The following DLAT variants were observed in gnomAD, a reference collection of about 807,000 sequenced individuals.
The protein encoded by DLAT is dihydrolipoamide S-acetyltransferase.
A neutral mutation model predicts 68.0 loss-of-function variants in DLAT; 43 were observed. The observed-to-expected ratio is 0.63, with a 90% CI of 0.50 to 0.81. The LOEUF (loss-of-function observed/expected upper bound fraction) is 0.81. Ranked by LOEUF, DLAT falls within the 40% of genes least tolerant of loss-of-function variation. The pLI, the probability that DLAT is intolerant of heterozygous loss-of-function variation, is 0.00. For missense variants in DLAT, 745 were observed against 815.4 expected, an observed-to-expected ratio of 0.91 and a Z score of 1.05; for synonymous variants, 265 against 288.6, an observed-to-expected ratio of 0.92 and a Z score of 0.83.
intron 10 of DLAT, among the ~76,000 whole-genome samples, chr11:112,050,968 C>T (rs1555181914): frequency 6.6e-6 from 1 of 152,180 alleles, no homozygotes; most frequent in East Asian, 1.9e-4. Context: ...TTCTCTTTCT[C>T]TTCCTCCTTT....
intron 7 of DLAT, among the ~76,000 whole-genome samples, chr11:112,040,835 A>G (rs184457013): frequency 6.6e-6 from 1 of 152,256 alleles, no homozygotes; most frequent in East Asian, 1.9e-4. Flanking sequence ...CAAGCAAAGA[A>G]GGACCATTTA....
intron 11 of DLAT, among the ~76,000 whole-genome samples, chr11:112,059,313 T>C (rs1474900359): frequency 1.3e-5 from 2 of 151,782 alleles, no homozygotes; most frequent in Non-Finnish European, 2.9e-5. Context: ...TTAGACGATA[T>C]GTGCGAAACC....
At chr11:112,041,313 T>C (rs587682261) in intron 7 of DLAT, among the ~76,000 whole-genome samples, 3 of 152,304 alleles carry the variant, frequency 2.0e-5, no homozygotes, top group African/African-American at 4.8e-5. Flanking sequence ...ATTTTTGTTA[T>C]TAAATAAGAT....
chr11:112,051,259 C>A lies in DLAT; in HGVS notation c.1424C>A (p.Ser475Tyr). The change falls in exon 11 of 14, where the codon TCT (serine) becomes TAT (tyrosine). Residue 475 changes from serine (S) to tyrosine (Y), a missense_variant. Coordinates refer to ENST00000280346, the MANE Select transcript of DLAT (RefSeq NM_001931.5). The surrounding 1 kb of genome is among the most constrained non-coding windows in gnomAD (Gnocchi z 4.3). ...ATATTAGAAGGGAGAAGCAAAATTTCTGTCAATGACTTCATCATAAAAGCT... is the reference window on the plus strand; with the variant it reads ...ATATTAGAAGGGAGAAGCAAAATTTATGTCAATGACTTCATCATAAAAGCT... Reference protein sequence around the residue: ...NKILEGRSKISVNDFIIKASA... With the variant: ...NKILEGRSKIYVNDFIIKASA... 1 of 1,612,640 alleles carries A rather than the reference C, an allele frequency of 6.2e-7. No individual in the cohort carries two copies. Among genetic ancestry groups the A allele is most frequent in the Non-Finnish European group, 8.5e-7 (1 of 1,179,824 alleles).
At chr11:112,033,692 A>G (rs1862541967) in intron 5 of DLAT, among the ~76,000 whole-genome samples, 162 bp downstream of exon 5, 1 of 152,110 alleles carries the variant, frequency 6.6e-6, no homozygotes, top group Admixed American at 6.6e-5. Flanking sequence ...AGTTATATGT[A>G]TTCTTTAGTT....
At chr11:112,055,613 A>T (rs1408354972) in intron 11 of DLAT, among the ~76,000 whole-genome samples, 1 of 151,952 alleles carries the variant, frequency 6.6e-6, no homozygotes, top group African/African-American at 2.4e-5. Flanking sequence ...AGCCACTGTT[A>T]CTGAACATAC....
chr11:112,029,003 TC>T (rs1286079429), intron 4 of DLAT, 58 bp downstream of exon 4: 2 of 1,590,492 alleles, frequency 1.3e-6, no homozygotes, highest in Admixed American at 1.7e-5. Flanking sequence ...TCACTTTTTT[TC>T]ATAGATGGCT....
rs148153443 is a variant in DLAT at position 112,028,891 on chromosome 11, G to A, written c.606G>A (p.Ser202=). The part of the protein sequence containing the change: ...APAPTPAATA[S]PPTPSAQAPG... Reference sequence around the variant, plus strand: ...CACCAACCCCTGCTGCCACTGCTTCGCCACCTACACCTTCTGCTCAGGCTC... The same window carrying A: ...CACCAACCCCTGCTGCCACTGCTTCACCACCTACACCTTCTGCTCAGGCTC... The change falls in exon 4 of 14, where the codon TCG becomes TCA. Residue 202 remains serine (S), a synonymous_variant. Coordinates refer to ENST00000280346, the MANE Select transcript of DLAT (RefSeq NM_001931.5). 7.9e-5 allele frequency: 128 copies of A among 1,614,016 alleles called. No homozygotes were observed. The East Asian group carries it at 9.1e-4, about 12-fold the overall frequency.
chr11:112,057,706 A>G (rs1475606943), intron 11 of DLAT, among the ~76,000 whole-genome samples: 3 of 152,202 alleles, frequency 2.0e-5, no homozygotes, highest in African/African-American at 7.2e-5. Flanking sequence ...CATGAGGTTG[A>G]AGGAAAGGAG....
chr11:112,037,778 C>T (rs1555180678), intron 6 of DLAT, among the ~76,000 whole-genome samples: 2 of 143,246 alleles, frequency 1.4e-5, no homozygotes, highest in Non-Finnish European at 1.5e-5. Context: ...TTGCCCCACC[C>T]TTTTTTTTTT....
At chr11:112,037,507 T>G in intron 6 of DLAT, 47 bp downstream of exon 6, 10 of 1,575,500 alleles carry the variant, frequency 6.3e-6, no homozygotes, top group Non-Finnish European at 8.7e-6. Flanking sequence ...TGTTCATCTC[T>G]AAATTAAGGA....
intron 10 of DLAT, among the ~76,000 whole-genome samples, chr11:112,048,153 G>T (rs1295893028): frequency 6.6e-6 from 1 of 152,158 alleles, no homozygotes; most frequent in Admixed American, 6.5e-5. Flanking sequence ...TTGAGCAGTG[G>T]TTTGTAGTTC....
intron 11 of DLAT, among the ~76,000 whole-genome samples, chr11:112,055,120 T>C (rs1863927123): frequency 6.6e-6 from 1 of 152,188 alleles, no homozygotes; most frequent in South Asian, 2.1e-4. Flanking sequence ...AAACAGACTT[T>C]AGTCTTCCTG....
At chr11:112,026,121 A>G in intron 1 of DLAT, 77 bp from the exon 2 acceptor site, 1 of 1,138,900 alleles carries the variant, frequency 8.8e-7, no homozygotes, top group South Asian at 1.3e-5. Flanking sequence ...ATGAAATTGA[A>G]TTGAATGAAA....
At chr11:112,058,548 G>T (rs1419395849) in intron 11 of DLAT, among the ~76,000 whole-genome samples, 3 of 127,428 alleles carry the variant, frequency 2.4e-5, no homozygotes, top group Admixed American at 2.0e-4. Flanking sequence ...CCCTTAGGCA[G>T]ACCCCAAGGA....
At chr11:112,040,078 G>A (rs1424955266) in intron 7 of DLAT, among the ~76,000 whole-genome samples, 2 of 152,180 alleles carry the variant, frequency 1.3e-5, no homozygotes, top group African/African-American at 4.8e-5. Context: ...GCTATAACAG[G>A]TGAAGTGCTT....
chr11:112,028,829 G>T lies in DLAT; in HGVS notation c.544G>T (p.Asp182Tyr). Reference protein sequence around the residue: ...DIEAFKNYTLDSSAAPTPQAA... With the variant: ...DIEAFKNYTLYSSAAPTPQAA... ...TGAGGCCTTTAAAAATTATACACTG[G>T]ATTCCTCAGCAGCACCTACCCCACA... is the stretch of plus-strand genomic sequence containing the variant. Residue 182 changes from aspartate (D) to tyrosine (Y), a missense_variant, in exon 4 of 14, where the codon GAT becomes TAT. Transcript: ENST00000280346. The T allele has an allele frequency of 1.2e-6, 2 of 1,614,056 alleles. No homozygotes were observed. The highest frequency in any genetic ancestry group is 1.7e-6 in the Non-Finnish European group (2 of 1,179,996).
chr11:112,026,261 G>A lies in DLAT; in HGVS notation c.343G>A (p.Glu115Lys), dbSNP rs200147835. 36 of 1,607,484 alleles carry A rather than the reference G, an allele frequency of 2.2e-5. No homozygotes were observed. The highest frequency in any genetic ancestry group is 3.0e-5 in the Non-Finnish European group (35 of 1,176,554). Residue 115 changes from glutamate to lysine, a missense_variant, in exon 2 of 14, where the codon GAG (glutamate) becomes AAG (lysine). Transcript: ENST00000280346. ...AGTIARWEKK[E>K]GDKINEGDLI... ...CACCATAGCCCGTTGGGAAAAAAAA[G>A]AGGGGGACAAAATCAATGAAGGTGA...
At chr11:112,043,167 A>G (rs986036310) in intron 7 of DLAT, among the ~76,000 whole-genome samples, 7 of 152,236 alleles carry the variant, frequency 4.6e-5, no homozygotes, top group African/African-American at 7.2e-5. Context: ...AGATGAAAAA[A>G]ATTAAGTACA....
Sources: gnomAD v4.1 joint callset for allele counts (sites outside exome capture counted in the v4.1 genomes callset) on GRCh38, gnomAD v4.1.1 for gene constraint, Gnocchi (gnomAD v3.1) non-coding constraint, MANE v1.5 for transcripts, NCBI Gene and HGNC (gene_info 2026-07-23, HGNC 2026-07-21) for gene names.